Variants in DBN1 observed in about 807,000 individuals in gnomAD.
The protein encoded by DBN1 is drebrin.
DBN1 carries 21 observed loss-of-function variants against 83.5 expected under a neutral mutation model. That is an observed-to-expected ratio of 0.25 (90% CI 0.18 to 0.36). The LOEUF (loss-of-function observed/expected upper bound fraction) is 0.36, where lower values mean the gene tolerates loss of function less well. Ranked by LOEUF, DBN1 falls within the 10% of genes least tolerant of loss-of-function variation. The pLI is 1.00. For synonymous variants in DBN1, 381 were observed against 384.9 expected (o/e 0.99, Z 0.12); for missense variants, 874 against 935.7 (o/e 0.93, Z 0.86).
intron 2 of DBN1, 108 bp downstream of exon 2, chr5:177,468,736 G>T: frequency 1.5e-6 from 1 of 647,036 alleles, no homozygotes; most frequent in Non-Finnish European, 2.4e-6. Flanking sequence ...ACAAGTGTGG[G>T]GCTGCAGGGT....
chr5:177,468,681 T>C, intron 2 of DBN1, 163 bp downstream of exon 2: 1 of 459,892 alleles, frequency 2.2e-6, no homozygotes, highest in African/African-American at 2.0e-5. Context: ...CTCCCCACCC[T>C]GGGGACACAG....
At chr5:177,470,683 C>T (rs894824831) in intron 1 of DBN1, among the ~76,000 whole-genome samples, 3 of 152,206 alleles carry the variant, frequency 2.0e-5, no homozygotes, top group African/African-American at 4.8e-5. Context: ...CTCTACCCCA[C>T]GCCTATTCCC....
rs778076948 is a variant in DBN1, at chr5:177,467,213, C to T, written c.555+42G>A. On this transcript the variant is annotated intron_variant, in intron 6 of 14. Transcript: ENST00000393565. This position sits in a 1 kb window ranked among gnomAD's most constrained non-coding sequence, Gnocchi z 9.1. ...GGACTCAGACCTGCCCCATGGGGTCCATGAGGGGTGGCTCAGCCAGGCCGG... is the reference window on the plus strand; with the variant it reads ...GGACTCAGACCTGCCCCATGGGGTCTATGAGGGGTGGCTCAGCCAGGCCGG... 6.2e-7 allele frequency: 1 copy of T among 1,612,394 alleles called. No individual in the cohort carries two copies. Among genetic ancestry groups the T allele is most frequent in the Non-Finnish European group, 8.5e-7 (1 of 1,178,508 alleles).
rs1203228743 is a variant in DBN1 at position 177,457,177 on chromosome 5, T to C, written c.*256A>G. ...TGGACCAGGGAAGGAGGGGTGGAAT[T>C]TGCAACAGCGTCTCAACTACCAACG... On this transcript the variant is annotated 3_prime_UTR_variant, in exon 15 of 15. Transcript: ENST00000393565. 6.2e-5 allele frequency: 33 copies of C among 529,734 alleles called. No individual in the cohort carries two copies. Among genetic ancestry groups the C allele is most frequent in the Non-Finnish European group, 9.5e-5 (28 of 295,902 alleles). The allele number at this position is 529,734 out of a possible 1,614,324, so 32.8% of individuals were successfully genotyped here. A position where few individuals can be genotyped will look rare whatever the true frequency, so the allele number is the denominator to read the frequency against.
chr5:177,472,728 A>C (rs1489222324), intron 1 of DBN1: 6 of 954,504 alleles, frequency 6.3e-6, no homozygotes, highest in Non-Finnish European at 7.5e-6. Flanking sequence ...CCCCCAGCCC[A>C]GCTGCCTAGT....
In DBN1 at chr5:177,456,684, A is replaced by G. The variant is rs894184854; in HGVS notation, c.*749T>C. 2.0e-5 allele frequency: 3 copies of G among 149,604 alleles called. No homozygotes were observed. Among genetic ancestry groups the G allele is most frequent in the African/African-American group, 7.4e-5 (3 of 40,724 alleles). The allele number at this position is 149,604 out of a possible 1,614,324, so 9.3% of individuals were successfully genotyped here. A position where few individuals can be genotyped will look rare whatever the true frequency, so the allele number is the denominator to read the frequency against. On this transcript the variant is annotated 3_prime_UTR_variant, in exon 15 of 15. Transcript: ENST00000393565. ...AAGTTTGTGCTTTCCAAAAAAAAAA[A>G]AAAAAAAAAAAAAAAAACAGTTACT...
chr5:177,458,415 G>A lies in DBN1; in HGVS notation c.1557C>T (p.Thr519=). The A allele has an allele frequency of 6.2e-7, 1 of 1,614,194 alleles. No homozygotes were observed. The change falls in exon 13 of 15, where the codon ACC becomes ACT. Residue 519 remains threonine, a synonymous_variant. Transcript: ENST00000393565. ...TVANNVPPAA[T]SLIDLWPGNG... ...TGCCAGGCCATAGGTCAATGAGGCT[G>A]GTGGCGGCGGGGGGTACGTTGTTGG...
chr5:177,460,141 C>T (rs1756909044), intron 10 of DBN1, among the ~76,000 whole-genome samples: 2 of 152,356 alleles, frequency 1.3e-5, no homozygotes, highest in Non-Finnish European at 2.9e-5. Flanking sequence ...AGACCTAATT[C>T]ACCCCAGCCG....
Position 177,467,097 on chromosome 5 carries a change from A to C in DBN1, c.556-35T>G. On this transcript the variant is annotated intron_variant, in intron 6 of 14. Coordinates refer to ENST00000393565, the MANE Select transcript of DBN1 (RefSeq NM_001363541.2). This position sits in a 1 kb window ranked among gnomAD's most constrained non-coding sequence, Gnocchi z 9.1. Reference sequence around the variant, plus strand: ...CCGGTGCGAACAAGGGTAGGCCCCGAGCCTAGGCGCCTGGACCCTGCCCCT... The same window carrying C: ...CCGGTGCGAACAAGGGTAGGCCCCGCGCCTAGGCGCCTGGACCCTGCCCCT... 1 of 1,612,750 alleles carries C rather than the reference A, an allele frequency of 6.2e-7. No homozygotes were observed. The highest frequency in any genetic ancestry group is 1.3e-5 in the African/African-American group (1 of 74,962).
Position 177,466,796 on chromosome 5 carries a change from C to T in DBN1, c.747G>A (p.Arg249=). ...CAAAGATAGACTGCTCCTTCAACCG[C>T]CTCTTGGCCTCTTCCGCTTCTAAAG... ...QQTLEAEEAK[R]RLKEQSIFGD... The change falls in exon 8 of 15, where the codon AGG becomes AGA. Residue 249 remains arginine (R), a synonymous_variant. Transcript: ENST00000393565. The surrounding 1 kb of genome is among the most constrained non-coding windows in gnomAD (Gnocchi z 4.8). 1 of 1,614,184 alleles carries T rather than the reference C, an allele frequency of 6.2e-7. No homozygotes were observed. The highest frequency in any genetic ancestry group is 8.5e-7 in the Non-Finnish European group (1 of 1,180,028).
intron 11 of DBN1, 120 bp from the exon 12 acceptor site, chr5:177,459,388 C>G: frequency 3.4e-6 from 5 of 1,462,534 alleles, no homozygotes; most frequent in Non-Finnish European, 4.5e-6. Context: ...TGGGAGCTCT[C>G]CAGCCCCACC....
Position 177,458,263 on chromosome 5 carries a change from C to A in DBN1, c.1709G>T (p.Gly570Val), listed in dbSNP as rs543722438. The A allele has an allele frequency of 6.2e-7, 1 of 1,613,782 alleles. No homozygotes were observed. Among genetic ancestry groups the A allele is most frequent in the African/African-American group, 1.3e-5 (1 of 75,036 alleles). ...GTTGAGAAGGGTGGCACAGCCTTCG[C>A]CTGCTGGCAGCAGTGGCTCCGGAGC... ...EVAPEPLLPA[G>V]EGCATLLNFD... is the part of the protein sequence containing the mutation. The change falls in exon 13 of 15, where the codon GGC becomes GTC. Residue 570 changes from glycine to valine, a missense_variant. Around this residue, in one of 4 missense-constraint regions of DBN1, gnomAD observed 725 missense variants for 719.7 expected, o/e 1.01. Coordinates refer to ENST00000393565, the MANE Select transcript of DBN1 (RefSeq NM_001363541.2).
rs766663179 is a variant in DBN1, at chr5:177,458,069, CCTT to C, written c.1900_1902del (p.Lys634del). On this transcript the variant is annotated inframe_deletion, in exon 13 of 15. Coordinates refer to ENST00000393565, the MANE Select transcript of DBN1 (RefSeq NM_001363541.2). Reference sequence around the variant, plus strand: ...AGTCCCTGCCGCACCTGGGTCCCCTCCTTCTGGGTGGTCTCGCCATTGGTTAGC... The same window carrying C: ...AGTCCCTGCCGCACCTGGGTCCCCTCCTGGGTGGTCTCGCCATTGGTTAGC... 1.2e-6 allele frequency: 2 copies of C among 1,613,874 alleles called. No individual in the cohort carries two copies. The highest frequency in any genetic ancestry group is 1.7e-6 in the Non-Finnish European group (2 of 1,180,014).
intron 10 of DBN1, among the ~76,000 whole-genome samples, chr5:177,460,125 C>T (rs903376378): frequency 2.6e-5 from 4 of 152,234 alleles, no homozygotes; most frequent in Non-Finnish European, 4.4e-5. Context: ...TCCGGCCTTC[C>T]AGGCCAGACC....
intron 8 of DBN1, among the ~76,000 whole-genome samples, chr5:177,462,745 T>A (rs1470278940): frequency 6.6e-6 from 1 of 152,200 alleles, no homozygotes; most frequent in African/African-American, 2.4e-5. Flanking sequence ...TTTTAGCTTA[T>A]GTCAGGAGCA....
At chr5:177,465,626 C>T (rs181017169) in intron 8 of DBN1, among the ~76,000 whole-genome samples, 18 of 152,166 alleles carry the variant, frequency 1.2e-4, no homozygotes, top group South Asian at 2.1e-4. Context: ...GAGGCCGAGG[C>T]GGGCAGATCA....
intron 12 of DBN1, 37 bp from the exon 13 acceptor site, chr5:177,458,744 T>C (rs750806311): frequency 8.2e-6 from 12 of 1,460,604 alleles, no homozygotes; most frequent in Non-Finnish European, 1.1e-5. Context: ...TGTAACCGGC[T>C]CCCCTCGGGG....
At chr5:177,462,139 G>A (rs1169720389) in intron 8 of DBN1, 8 of 855,134 alleles carry the variant, frequency 9.4e-6, no homozygotes, top group Middle Eastern at 5.9e-4. Context: ...GGCAGCGCCC[G>A]CACTTGGCCT....
At chr5:177,468,327 G>A in intron 2 of DBN1, 107 bp from the exon 3 acceptor site, 1 of 925,878 alleles carries the variant, frequency 1.1e-6, no homozygotes, top group Non-Finnish European at 1.7e-6. Context: ...GGCACCCCCA[G>A]GGGTCTTCTG....
Sources: allele counts gnomAD v4.1 joint callset (sites outside exome capture counted in the v4.1 genomes callset), GRCh38; gene constraint gnomAD v4.1.1; regional missense constraint gnomAD v4.1.1; non-coding constraint Gnocchi (gnomAD v3.1); transcripts MANE v1.5; gene names NCBI Gene and HGNC (gene_info 2026-07-23, HGNC 2026-07-21).